Variants in DGCR2 observed in about 807,000 individuals in gnomAD.
DGCR2 encodes integral membrane protein DGCR2/IDD.
A neutral mutation model predicts 51.6 loss-of-function variants in DGCR2; 24 were observed. The ratio of observed to expected loss-of-function variants is 0.47; its 90% CI spans 0.34 to 0.65. The LOEUF (loss-of-function observed/expected upper bound fraction) is 0.65, where lower values mean the gene tolerates loss of function less well. DGCR2 is among the 30% of genes least tolerant of loss of function. The pLI is 0.01. For synonymous variants in DGCR2, 340 were observed against 315.4 expected, an observed-to-expected ratio of 1.08 and a Z score of -0.82; for missense variants, 765 against 772.1, an observed-to-expected ratio of 0.99 and a Z score of 0.11.
chr22:19,057,058 G>A lies in DGCR2; in HGVS notation c.730C>T (p.Leu244=). The change falls in exon 6 of 10, where the codon CTG becomes TTG. Residue 244 remains leucine, a synonymous_variant. Transcript: ENST00000263196. The surrounding 1 kb of genome is among the most constrained non-coding windows in gnomAD (Gnocchi z 5.1). ...CAGCTGTGGAGGTCGTGGTGCCGCA[G>A]GGTGGGGAAATGGAAGCACTGAAGC... ...AQLQCFHFPT[L]RHHDLHSWHA... The A allele has an allele frequency of 1.2e-6, 2 of 1,600,530 alleles. No individual in the cohort carries two copies. The highest frequency in any genetic ancestry group is 1.7e-6 in the Non-Finnish European group (2 of 1,173,638).
chr22:19,046,769 G>C, intron 7 of DGCR2: 1 of 446,910 alleles, frequency 2.2e-6, no homozygotes, highest in South Asian at 1.6e-5. Context: ...CCGTGCAGGA[G>C]AGAGGGCTGC....
chr22:19,087,398 C>CT (rs920930424), intron 2 of DGCR2, among the ~76,000 whole-genome samples: 24 of 151,658 alleles, frequency 1.6e-4, no homozygotes, highest in African/African-American at 3.6e-4. Context: ...GCATTCTTTT[C>CT]TTTTTTTTTG....
intron 6 of DGCR2, among the ~76,000 whole-genome samples, chr22:19,049,234 G>A (rs1306212215): frequency 6.6e-6 from 1 of 152,102 alleles, no homozygotes; most frequent in Non-Finnish European, 1.5e-5. Context: ...GTGTAAGGAA[G>A]CTGCCAGTTC....
At chr22:19,051,473 A>T (rs1311561292) in intron 6 of DGCR2, among the ~76,000 whole-genome samples, 2 of 152,210 alleles carry the variant, frequency 1.3e-5, no homozygotes, top group Non-Finnish European at 2.9e-5. Context: ...TCATTAGTTC[A>T]CACCTGTAAT....
chr22:19,079,188 C>T (rs985572291), intron 2 of DGCR2, among the ~76,000 whole-genome samples: 2 of 152,156 alleles, frequency 1.3e-5, no homozygotes, highest in African/African-American at 4.8e-5. Context: ...ACTGAGATGA[C>T]AGATATGAGC....
intron 3 of DGCR2, among the ~76,000 whole-genome samples, chr22:19,066,491 T>G (rs191266348): frequency 2.6e-5 from 4 of 152,232 alleles, no homozygotes; most frequent in East Asian, 1.9e-4. Context: ...AGAAGGTGTG[T>G]TGCACATTCA....
At chr22:19,119,907 G>A (rs2083413387) in intron 1 of DGCR2, among the ~76,000 whole-genome samples, 1 of 152,052 alleles carries the variant, frequency 6.6e-6, no homozygotes, top group Admixed American at 6.5e-5. Context: ...ACCCTCCTGA[G>A]AAGTGGGCTC....
chr22:19,062,778 C>CTCTCTCTCTCTCTCTCTCTCT (rs2082687460), intron 5 of DGCR2, among the ~76,000 whole-genome samples: 1 of 133,458 alleles, frequency 7.5e-6, no homozygotes, highest in African/African-American at 2.8e-5. Context: ...CATGCATGCT[C>CTCTCTCTCTCTCTCTCTCTCT]ACTCTCTCTC....
intron 1 of DGCR2, among the ~76,000 whole-genome samples, chr22:19,093,730 C>A (rs2083106193): frequency 6.6e-6 from 1 of 152,146 alleles, no homozygotes; most frequent in East Asian, 1.9e-4. Context: ...AGTGCAATGG[C>A]TTATACCTGT....
chr22:19,091,218 G>C (rs2083074845), intron 1 of DGCR2, among the ~76,000 whole-genome samples: 1 of 152,100 alleles, frequency 6.6e-6, no homozygotes, highest in Non-Finnish European at 1.5e-5. Flanking sequence ...AATTAGCCGG[G>C]TATTGGGACA....
chr22:19,080,280 G>A (rs1045907688), intron 2 of DGCR2, among the ~76,000 whole-genome samples: 2 of 152,134 alleles, frequency 1.3e-5, no homozygotes, highest in Non-Finnish European at 2.9e-5. Flanking sequence ...TTTAAGTGCT[G>A]TCTAATAGAA....
Position 19,041,789 on chromosome 22 carries a change from C to A in DGCR2, c.1159+18G>T, listed in dbSNP as rs779070600. On this transcript the variant is annotated intron_variant, in intron 8 of 9. Coordinates refer to ENST00000263196, the MANE Select transcript of DGCR2 (RefSeq NM_005137.3). ...GTGGGGATGGGGACCAGGGTTGTGG[C>A]CCTCAGAGGGCACTTACAGTTTGCT... 6.2e-7 allele frequency: 1 copy of A among 1,607,950 alleles called. No homozygotes were observed. The highest frequency in any genetic ancestry group is 1.3e-5 in the African/African-American group (1 of 74,836).
Position 19,112,544 on chromosome 22 carries a change from C to T in DGCR2, c.79+9584G>A, listed in dbSNP as rs557125684. On this transcript the variant is annotated intron_variant, in intron 1 of 9. Coordinates refer to ENST00000263196, the MANE Select transcript of DGCR2 (RefSeq NM_005137.3). ...ATAACCTCTGCTCACTGGGCTCAAA[C>T]GATCCTCCCACCTCAGTCCCCTCCA... is the stretch of plus-strand genomic sequence containing the variant. 2.1e-4 allele frequency among the ~76,000 whole-genome samples: 30 copies of T among 143,350 alleles called. 3 individuals are homozygous for T. Among genetic ancestry groups the T allele is most frequent in the South Asian group, 1.5e-3 (6 of 4,026 alleles). The allele number at this position is 143,350 out of a possible 152,430, so 94.0% of individuals were successfully genotyped here.
At chr22:19,114,895 G>A (rs1281303982) in intron 1 of DGCR2, among the ~76,000 whole-genome samples, 2 of 152,214 alleles carry the variant, frequency 1.3e-5, no homozygotes, top group African/African-American at 4.8e-5. Flanking sequence ...TCCAACAGTA[G>A]CAGCCAACAG....
chr22:19,062,766 CACA>C (rs2082683847), intron 5 of DGCR2, among the ~76,000 whole-genome samples: 2 of 144,258 alleles, frequency 1.4e-5, no homozygotes, highest in African/African-American at 2.5e-5. Flanking sequence ...CGCACACACA[CACA>C]TGCATGCTCA....
chr22:19,055,947 A>G, intron 6 of DGCR2: 1 of 157,476 alleles, frequency 6.4e-6, no homozygotes, highest in Non-Finnish European at 1.4e-5. Flanking sequence ...GTGGGTGTGG[A>G]CCCGGCAGCT....
At chr22:19,052,028 C>G (rs2082553878) in intron 6 of DGCR2, among the ~76,000 whole-genome samples, 1 of 152,228 alleles carries the variant, frequency 6.6e-6, no homozygotes, top group South Asian at 2.1e-4. Flanking sequence ...TACAGCCACT[C>G]TGGAAAACAA....
At chr22:19,086,304 T>C (rs1017957488) in intron 2 of DGCR2, among the ~76,000 whole-genome samples, 2 of 151,794 alleles carry the variant, frequency 1.3e-5, no homozygotes, top group African/African-American at 2.4e-5. Flanking sequence ...GGTGAAACCC[T>C]GTCTCTACTA....
intron 2 of DGCR2, among the ~76,000 whole-genome samples, chr22:19,078,261 A>C (rs1171823511): frequency 6.6e-6 from 1 of 152,236 alleles, no homozygotes; most frequent in African/African-American, 2.4e-5. Context: ...CGACTTTACA[A>C]TAGGTTTAAG....
Sources: allele counts gnomAD v4.1 joint callset (sites outside exome capture counted in the v4.1 genomes callset), GRCh38; gene constraint gnomAD v4.1.1; non-coding constraint Gnocchi (gnomAD v3.1); transcripts MANE v1.5; gene names NCBI Gene and HGNC (gene_info 2026-07-23, HGNC 2026-07-21).